Variants in CHCHD3 observed in about 807,000 individuals in gnomAD.
The protein encoded by CHCHD3 is coiled-coil-helix-coiled-coil-helix domain containing 3.
A neutral mutation model predicts 38.2 loss-of-function variants in CHCHD3; 20 were observed. That is an observed-to-expected ratio of 0.52 (90% CI 0.37 to 0.76). CHCHD3 has a LOEUF of 0.76. Among genes scored for constraint, CHCHD3 ranks in the 30% least tolerant of loss-of-function variants. The pLI is 0.00. For missense variants in CHCHD3, 245 were observed against 279.2 expected (o/e 0.88, Z 0.87); for synonymous variants, 82 against 100.0 (o/e 0.82, Z 1.07).
At chr7:132,790,628 T>C (rs1186284353) in intron 7 of CHCHD3, among the ~76,000 whole-genome samples, 3 of 152,204 alleles carry the variant, frequency 2.0e-5, no homozygotes, top group Non-Finnish European at 4.4e-5. Flanking sequence ...TTAATAAATG[T>C]CATCAAGCGA....
intron 2 of CHCHD3, among the ~76,000 whole-genome samples, chr7:133,062,921 G>A (rs1028765751): frequency 2.6e-5 from 4 of 152,052 alleles, no homozygotes; most frequent in African/African-American, 4.8e-5. Flanking sequence ...TGGTTAATCC[G>A]TTAACTAGGA....
At chr7:132,820,523 G>A (rs1457352618) in intron 6 of CHCHD3, among the ~76,000 whole-genome samples, 2 of 151,278 alleles carry the variant, frequency 1.3e-5, no homozygotes, top group Non-Finnish European at 1.5e-5. Flanking sequence ...AAACAAGGCT[G>A]CACCTGTGAT....
intron 6 of CHCHD3, among the ~76,000 whole-genome samples, chr7:132,805,383 C>T (rs1164332951): frequency 6.6e-6 from 1 of 151,980 alleles, no homozygotes; most frequent in Non-Finnish European, 1.5e-5. Flanking sequence ...AAAAATCCCA[C>T]AGAGTGAAGG....
At position 133,035,886 on chromosome 7, in the gene CHCHD3, T is replaced by C; in HGVS notation, c.170-11259A>G. 2 of 1,612,288 alleles carry C rather than the reference T, an allele frequency of 1.2e-6. No homozygotes were observed. Among genetic ancestry groups the C allele is most frequent in the Non-Finnish European group, 1.7e-6 (2 of 1,178,590 alleles). On this transcript the variant is annotated intron_variant, in intron 2 of 7. Transcript: ENST00000262570. This position sits in a 1 kb window ranked among gnomAD's most constrained non-coding sequence, Gnocchi z 4.7. ...GATGAGAGCCTTGAAGGCCCTCCAG[T>C]TTTCAGGATACGTGTACAGGGTCCC...
At chr7:132,785,717 G>A (rs1022322018) in intron 7 of CHCHD3, 57 bp from the exon 8 acceptor site, 1 of 1,517,594 alleles carries the variant, frequency 6.6e-7, no homozygotes, top group Non-Finnish European at 9.1e-7. Context: ...AAAAATAAAT[G>A]GCACTAACTA....
intron 3 of CHCHD3, among the ~76,000 whole-genome samples, chr7:133,013,861 C>G (rs1562937947): frequency 6.6e-6 from 1 of 151,956 alleles, no homozygotes; most frequent in Non-Finnish European, 1.5e-5. Context: ...ATGTATTTCC[C>G]TGGTAATTTT....
intron 3 of CHCHD3, among the ~76,000 whole-genome samples, chr7:132,977,135 G>A (rs1282144645): frequency 6.6e-6 from 1 of 152,194 alleles, no homozygotes; most frequent in Admixed American, 6.5e-5. Flanking sequence ...CTGGATATGT[G>A]TAATTGTAAG....
At chr7:133,066,122 G>A (rs1233472121) in intron 2 of CHCHD3, among the ~76,000 whole-genome samples, 1 of 152,232 alleles carries the variant, frequency 6.6e-6, no homozygotes, top group African/African-American at 2.4e-5. Context: ...AAAATGTGAA[G>A]AGTGCAACTT....
chr7:132,896,248 C>T (rs760933660), intron 4 of CHCHD3, among the ~76,000 whole-genome samples: 2 of 152,234 alleles, frequency 1.3e-5, no homozygotes, highest in Non-Finnish European at 2.9e-5. Flanking sequence ...ATCAAAGCTT[C>T]TATCACATAT....
intron 4 of CHCHD3, among the ~76,000 whole-genome samples, chr7:132,941,637 ACCGTTGGGTTTTAATAC>A (rs1284449963): frequency 1.3e-5 from 2 of 152,134 alleles, no homozygotes; most frequent in African/African-American, 4.8e-5. Context: ...GGAACACAAT[ACCGTTGGGTTTTAATAC>A]CATCATCTCC....
chr7:132,883,706 C>T (rs1174516671), intron 5 of CHCHD3, among the ~76,000 whole-genome samples: 1 of 152,132 alleles, frequency 6.6e-6, no homozygotes, highest in South Asian at 2.1e-4. Context: ...TGCACAGAAA[C>T]CAAATGTGGT....
chr7:133,053,132 T>C (rs945345944), intron 2 of CHCHD3, among the ~76,000 whole-genome samples: 1 of 152,246 alleles, frequency 6.6e-6, no homozygotes, highest in Non-Finnish European at 1.5e-5. Flanking sequence ...TTACAATTTC[T>C]TAATAGTTGC....
intron 2 of CHCHD3, among the ~76,000 whole-genome samples, chr7:133,069,810 C>T (rs921645178): frequency 4.6e-5 from 7 of 152,142 alleles, no homozygotes; most frequent in African/African-American, 1.2e-4. Flanking sequence ...TTTCTAAGTT[C>T]GATTTTTTAA....
chr7:133,040,989 G>T (rs1287538187), intron 2 of CHCHD3, among the ~76,000 whole-genome samples: 1 of 152,146 alleles, frequency 6.6e-6, no homozygotes, highest in Non-Finnish European at 1.5e-5. Context: ...AGATCACCTC[G>T]AGTGTCCCTG....
chr7:132,845,874 T>C (rs1339353111), intron 5 of CHCHD3, among the ~76,000 whole-genome samples: 1 of 152,170 alleles, frequency 6.6e-6, no homozygotes, highest in African/African-American at 2.4e-5. Flanking sequence ...AAACTGATGT[T>C]CAAAAGGTAA....
chr7:132,795,758 T>C (rs902921566), intron 7 of CHCHD3, among the ~76,000 whole-genome samples: 1 of 152,224 alleles, frequency 6.6e-6, no homozygotes, highest in African/African-American at 2.4e-5. Flanking sequence ...ATTGGTTAAA[T>C]GATAGGCAAT....
At chr7:132,926,069 G>A (rs1472258871) in intron 4 of CHCHD3, among the ~76,000 whole-genome samples, 1 of 152,208 alleles carries the variant, frequency 6.6e-6, no homozygotes, top group African/African-American at 2.4e-5. Flanking sequence ...AGATTTAGCT[G>A]TAGACCATGG....
intron 2 of CHCHD3, among the ~76,000 whole-genome samples, chr7:133,040,420 AC>A (rs1211639879): frequency 6.6e-6 from 1 of 152,094 alleles, no homozygotes; most frequent in Non-Finnish European, 1.5e-5. Context: ...TGGGAGGGGT[AC>A]CCTTCCAGTA....
chr7:132,820,370 A>T (rs913961705), intron 6 of CHCHD3, among the ~76,000 whole-genome samples: 1 of 152,214 alleles, frequency 6.6e-6, no homozygotes, highest in South Asian at 2.1e-4. Flanking sequence ...GCATATTATC[A>T]GTTGTGGGTA....
Sources: allele counts gnomAD v4.1 joint callset (sites outside exome capture counted in the v4.1 genomes callset), GRCh38; gene constraint gnomAD v4.1.1; non-coding constraint Gnocchi (gnomAD v3.1); transcripts MANE v1.5; gene names NCBI Gene and HGNC (gene_info 2026-07-23, HGNC 2026-07-21).